Variants in IGSF9B observed in about 807,000 individuals in gnomAD.
The protein encoded by IGSF9B is immunoglobulin superfamily member 9B.
A neutral mutation model predicts 143.7 loss-of-function variants in IGSF9B; 48 were observed. That is an observed-to-expected ratio of 0.33 (90% CI 0.26 to 0.42). The LOEUF (loss-of-function observed/expected upper bound fraction) is 0.42, where lower values mean the gene tolerates loss of function less well. IGSF9B is among the 20% of genes least tolerant of loss of function. IGSF9B has a pLI of 1.00. For synonymous variants in IGSF9B, 903 were observed against 833.1 expected (o/e 1.08, Z -1.44); for missense variants, 1,706 against 1,980.0 (o/e 0.86, Z 2.63).
intron 18 of IGSF9B, among the ~76,000 whole-genome samples, chr11:133,917,002 G>A (rs1362494389): frequency 1.3e-5 from 2 of 152,132 alleles, no homozygotes; most frequent in African/African-American, 2.4e-5. Context: ...AGCTACAGAT[G>A]GTAAAGAAAT....
chr11:133,938,863 G>C (rs1191182661), intron 3 of IGSF9B, among the ~76,000 whole-genome samples: 1 of 152,148 alleles, frequency 6.6e-6, no homozygotes, highest in Non-Finnish European at 1.5e-5. Flanking sequence ...CAGCCTCTCT[G>C]GGTCTTACCT....
intron 12 of IGSF9B, 100 bp from the exon 13 acceptor site, chr11:133,927,191 G>A (rs1417508830): frequency 3.1e-6 from 3 of 957,088 alleles, no homozygotes; most frequent in Admixed American, 2.4e-5. Flanking sequence ...AGGCACTGGT[G>A]GGCCTGGCGT....
Position 133,920,037 on chromosome 11 carries a change from G to C in IGSF9B, c.3688C>G (p.Gln1230Glu). ...GTGATCTCTGACATCTCTGCCTGCT[G>C]CAGGAGGCCCGGGCGAGGCCGGGCA... ...ARARPRPGLL[Q>E]QAEMSEITLQ... The change falls in exon 18 of 20, where the codon CAG becomes GAG. Residue 1230 changes from glutamine (Q) to glutamate (E), a missense_variant. Gln to Glu is a conservative substitution (Grantham distance 29, BLOSUM62 2). Coordinates refer to ENST00000533871, the MANE Select transcript of IGSF9B (RefSeq NM_001277285.4). 5 of 1,575,756 alleles carry C rather than the reference G, an allele frequency of 3.2e-6. No individual in the cohort carries two copies. Among genetic ancestry groups the C allele is most frequent in the Non-Finnish European group, 4.3e-6 (5 of 1,161,842 alleles).
intron 6 of IGSF9B, 63 bp from the exon 7 acceptor site, chr11:133,935,825 A>G (rs764755855): frequency 3.4e-4 from 534 of 1,568,238 alleles, no homozygotes; most frequent in Non-Finnish European, 4.3e-4. Flanking sequence ...GCAGACACAC[A>G]GTCACCGTCA....
chr11:133,929,867 G>C (rs117532635), intron 11 of IGSF9B, 85 bp from the exon 12 acceptor site: 2 of 868,648 alleles, frequency 2.3e-6, no homozygotes, highest in Non-Finnish European at 3.8e-6. Context: ...GGGAACCTGA[G>C]AGGCTGAAGC....
rs1310269027 is a variant in IGSF9B at position 133,904,362 on chromosome 11, A to C, written c.*4707T>G. 6.6e-6 allele frequency among the ~76,000 whole-genome samples: 1 copy of C among 152,212 alleles called. No individual in the cohort carries two copies. Among genetic ancestry groups the C allele is most frequent in the Admixed American group, 6.5e-5 (1 of 15,282 alleles). On this transcript the variant is annotated 3_prime_UTR_variant, in exon 20 of 20. Transcript: ENST00000533871. ...AAGTTTCTCAGCTTTGGGCCTGAGG[A>C]GCCCCCAAAACAAATGAAGTTGAAA...
rs1247385188 is a variant in IGSF9B at position 133,948,128 on chromosome 11, T to C, written c.65-1870A>G. Among the ~76,000 whole-genome samples, 1 of 149,434 alleles carries C rather than the reference T, an allele frequency of 6.7e-6. No individual in the cohort carries two copies. The highest frequency in any genetic ancestry group is 1.5e-5 in the Non-Finnish European group (1 of 67,540). On this transcript the variant is annotated intron_variant, in intron 1 of 19. Coordinates refer to ENST00000533871, the MANE Select transcript of IGSF9B (RefSeq NM_001277285.4). The surrounding 1 kb of genome is among the most constrained non-coding windows in gnomAD (Gnocchi z 4.7). ...CGGTTGGCTCATGCAAGGGGAGGGG[T>C]TCTGCCTGCTTCTCTGTATGCAAGG...
chr11:133,932,068 C>T lies in IGSF9B; in HGVS notation c.1110+3G>A, dbSNP rs1287606535. The T allele has an allele frequency of 6.2e-7, 1 of 1,611,320 alleles. No individual in the cohort carries two copies. The highest frequency in any genetic ancestry group is 8.5e-7 in the Non-Finnish European group (1 of 1,178,298). ...CAACCCTCAACATGCATCTCTCTAG[C>T]ACCTTCTCAACCTGCAGGGGACGGC... On this transcript the variant is annotated splice_donor_region_variant and intron_variant, in intron 8 of 19. Coordinates refer to ENST00000533871, the MANE Select transcript of IGSF9B (RefSeq NM_001277285.4).
chr11:133,924,595 CA>C (rs949467566), intron 15 of IGSF9B, among the ~76,000 whole-genome samples: 3 of 152,142 alleles, frequency 2.0e-5, no homozygotes, highest in African/African-American at 4.8e-5. Context: ...CTGTCTTATA[CA>C]AGTGTCAGAA....
intron 7 of IGSF9B, among the ~76,000 whole-genome samples, chr11:133,935,416 A>G (rs1939804169): frequency 6.6e-6 from 1 of 152,206 alleles, no homozygotes; most frequent in Non-Finnish European, 1.5e-5. Flanking sequence ...ACGCCTGGCC[A>G]GCGAAGTAGG....
intron 18 of IGSF9B, among the ~76,000 whole-genome samples, chr11:133,916,653 G>A (rs1341950703): frequency 3.3e-5 from 5 of 152,336 alleles, no homozygotes; most frequent in Admixed American, 6.5e-5. Context: ...AAAGGAGAGC[G>A]GGCTTCTCTT....
chr11:133,919,912 G>T lies in IGSF9B; in HGVS notation c.3813C>A (p.Pro1271=), dbSNP rs764743314. The change falls in exon 18 of 20, where the codon CCC becomes CCA. Residue 1271 remains proline, a synonymous_variant. Transcript: ENST00000533871. The stretch of plus-strand genomic sequence containing the variant: ...TGGCCAGAGTGGTGAAGCCCATGGC[G>T]GGCCGGTAGCTGGGACTCCCACTGC... ...SSRSGSPSYR[P]AMGFTTLATG... is the part of the protein sequence containing the mutation. 24 of 1,568,566 alleles carry T rather than the reference G, an allele frequency of 1.5e-5. No homozygotes were observed. The highest frequency in any genetic ancestry group is 3.8e-5 in the Admixed American group (2 of 53,186).
chr11:133,943,169 G>GT (rs778792995), intron 3 of IGSF9B, among the ~76,000 whole-genome samples: 53 of 152,300 alleles, frequency 3.5e-4, no homozygotes, highest in Non-Finnish European at 6.2e-4. Flanking sequence ...ACCGTAAGCT[G>GT]TATGTGGCAC....
chr11:133,956,868 G>T lies in IGSF9B; in HGVS notation c.-114C>A. 1 of 538,232 alleles carries T rather than the reference G, an allele frequency of 1.9e-6. No individual in the cohort carries two copies. The highest frequency in any genetic ancestry group is 2.9e-6 in the Non-Finnish European group (1 of 344,252). The allele number at this position is 538,232 out of a possible 1,614,324, so 33.3% of individuals were successfully genotyped here. ...CCGCCTCGCGCCGCCTACGCCCCGC[G>T]CCGGTGCTCCTGCAGCCCGGGTGGC... is the stretch of plus-strand genomic sequence containing the variant. On this transcript the variant is annotated 5_prime_UTR_variant, in exon 1 of 20. Coordinates refer to ENST00000533871, the MANE Select transcript of IGSF9B (RefSeq NM_001277285.4).
chr11:133,941,313 TG>T (rs1181997971), intron 3 of IGSF9B, among the ~76,000 whole-genome samples: 10 of 152,226 alleles, frequency 6.6e-5, no homozygotes, highest in Admixed American at 5.2e-4. Context: ...CTCAGGCTTT[TG>T]GGGTATTTTA....
chr11:133,935,818 GAC>G, intron 6 of IGSF9B, 56 bp from the exon 7 acceptor site: 11 of 1,582,096 alleles, frequency 7.0e-6, no homozygotes, highest in Non-Finnish European at 9.4e-6. Flanking sequence ...TCTTGCCGCA[GAC>G]ACACAGTCAC....
At chr11:133,946,373 G>A (rs764261586) in intron 1 of IGSF9B, 115 bp from the exon 2 acceptor site, 26 of 832,038 alleles carry the variant, frequency 3.1e-5, no homozygotes, top group Non-Finnish European at 4.8e-5. Flanking sequence ...CCCTCCATGG[G>A]CCACCGTACC....
rs756185559 is a variant in IGSF9B at position 133,931,661 on chromosome 11, G to A, written c.1245C>T (p.Val415=). The A allele has an allele frequency of 1.9e-6, 3 of 1,609,456 alleles. No homozygotes were observed. Among genetic ancestry groups the A allele is most frequent in the South Asian group, 2.2e-5 (2 of 90,792 alleles). ...TMGQSAPARL[V]LKDPPYFTVL... ...CACAGCCCTGGGACCTCACCTTCAG[G>A]ACAAGCCTCGCAGGGGCAGACTGGC... is the stretch of plus-strand genomic sequence containing the variant. Residue 415 remains valine, a synonymous_variant, in exon 9 of 20, where the codon GTC becomes GTT. Coordinates refer to ENST00000533871, the MANE Select transcript of IGSF9B (RefSeq NM_001277285.4). This position sits in a 1 kb window ranked among gnomAD's most constrained non-coding sequence, Gnocchi z 7.7.
At chr11:133,943,250 A>C (rs757303575) in intron 3 of IGSF9B, among the ~76,000 whole-genome samples, 5 of 152,248 alleles carry the variant, frequency 3.3e-5, no homozygotes, top group Admixed American at 6.5e-5. Flanking sequence ...GGCTAGATAC[A>C]AATTTTGTCA....
Sources: gnomAD v4.1 joint callset for allele counts (sites outside exome capture counted in the v4.1 genomes callset) on GRCh38, gnomAD v4.1.1 for gene constraint, Gnocchi (gnomAD v3.1) non-coding constraint, MANE v1.5 for transcripts, NCBI Gene and HGNC (gene_info 2026-07-23, HGNC 2026-07-21) for gene names.